The following ZNF804B variants were observed in gnomAD, a reference collection of about 807,000 sequenced individuals.
The protein encoded by ZNF804B is zinc finger 804B.
In ZNF804B, 80 loss-of-function variants were observed where a neutral mutation model predicts 101.4. The observed-to-expected ratio is 0.79, with a 90% confidence interval of 0.66 to 0.95. The LOEUF (loss-of-function observed/expected upper bound fraction) is 0.95. Ranked by LOEUF, ZNF804B falls within the 40% of genes least tolerant of loss-of-function variation. The pLI is 0.00. For missense variants in ZNF804B, 1,673 were observed against 1,561.9 expected, an observed-to-expected ratio of 1.07 and a Z score of -1.20; for synonymous variants, 622 against 558.8, an observed-to-expected ratio of 1.11 and a Z score of -1.59.
At chr7:88,943,590 G>A (rs183419665) in intron 1 of ZNF804B, among the ~76,000 whole-genome samples, 2 of 151,896 alleles carry the variant, frequency 1.3e-5, no homozygotes, top group African/African-American at 4.8e-5. Flanking sequence ...GCTTAGTTTA[G>A]TTTATTGAGA....
chr7:88,857,416 A>G (rs1791578556), intron 1 of ZNF804B, among the ~76,000 whole-genome samples: 1 of 152,190 alleles, frequency 6.6e-6, no homozygotes, highest in Non-Finnish European at 1.5e-5. Flanking sequence ...TGCAATAAAA[A>G]ATGATAAAGG....
chr7:89,050,533 A>G (rs1789183898), intron 1 of ZNF804B, among the ~76,000 whole-genome samples: 1 of 152,132 alleles, frequency 6.6e-6, no homozygotes, highest in Non-Finnish European at 1.5e-5. Context: ...ATGGTTAGTC[A>G]TTTTGTTAAT....
At chr7:88,968,813 A>G (rs1198177032) in intron 1 of ZNF804B, among the ~76,000 whole-genome samples, 1 of 151,678 alleles carries the variant, frequency 6.6e-6, no homozygotes, top group Non-Finnish European at 1.5e-5. Context: ...CAGGTAGTTC[A>G]CAATATACTG....
intron 1 of ZNF804B, among the ~76,000 whole-genome samples, chr7:89,062,464 C>T (rs528451198): frequency 1.3e-5 from 2 of 152,194 alleles, no homozygotes; most frequent in East Asian, 3.9e-4. Flanking sequence ...TCTTGGCAGT[C>T]TCTCCAAAAT....
intron 2 of ZNF804B, among the ~76,000 whole-genome samples, chr7:89,284,931 G>C (rs1290823473): frequency 6.6e-6 from 1 of 152,136 alleles, no homozygotes. Flanking sequence ...GGGCATGGCA[G>C]CTCATACCTG....
intron 1 of ZNF804B, among the ~76,000 whole-genome samples, chr7:88,838,858 T>G (rs1791255692): frequency 6.6e-6 from 1 of 152,040 alleles, no homozygotes; most frequent in Admixed American, 6.6e-5. Context: ...CAATAAATAC[T>G]AACTATACTT....
intron 1 of ZNF804B, among the ~76,000 whole-genome samples, chr7:89,183,858 A>T (rs943523621): frequency 1.3e-5 from 2 of 152,150 alleles, no homozygotes; most frequent in African/African-American, 2.4e-5. Flanking sequence ...GTCGGGAGGC[A>T]TGAGTCATTC....
At chr7:89,184,250 T>C (rs1196084411) in intron 1 of ZNF804B, among the ~76,000 whole-genome samples, 1 of 152,140 alleles carries the variant, frequency 6.6e-6, no homozygotes, top group African/African-American at 2.4e-5. Context: ...TCTGATCTGA[T>C]CTAATTTAAA....
intron 1 of ZNF804B, among the ~76,000 whole-genome samples, chr7:88,996,372 C>G (rs1314106116): frequency 6.6e-6 from 1 of 152,030 alleles, no homozygotes; most frequent in Admixed American, 6.6e-5. Context: ...AATTTCTACC[C>G]AACTACTCCA....
intron 1 of ZNF804B, among the ~76,000 whole-genome samples, chr7:89,215,890 A>AATAC (rs1788886780): frequency 1.7e-5 from 2 of 116,936 alleles, no homozygotes; most frequent in African/African-American, 6.2e-5. Context: ...TCTCTAAATA[A>AATAC]ATAAATAAAT....
chr7:89,167,352 A>G lies in ZNF804B; in HGVS notation c.109-50803A>G, dbSNP rs538261798. Among the ~76,000 whole-genome samples the G allele has an allele frequency of 2.0e-4, 30 of 151,870 alleles. No homozygotes were observed. In the South Asian group the frequency reaches 4.4e-3, roughly 22 times the overall value. On this transcript the variant is annotated intron_variant, in intron 1 of 3. Transcript: ENST00000333190. ...CAGCTACTTGGGAGGCTGAGGCAGG[A>G]GAATTGCTGGAACCCGGGAGGTGGA...
Position 89,335,916 on chromosome 7 carries a change from T to G in ZNF804B, c.2934T>G (p.Pro978=). The part of the protein sequence containing the change: ...APSGCNRQAL[P]LSEKIQYASE... ...CAGGCTGTAACAGACAAGCATTGCCTTTGTCTGAAAAAATACAGTATGCAA... is the reference window on the plus strand; with the variant it reads ...CAGGCTGTAACAGACAAGCATTGCCGTTGTCTGAAAAAATACAGTATGCAA... Residue 978 remains proline, a synonymous_variant, in exon 4 of 4, where the codon CCT becomes CCG. Transcript: ENST00000333190. 1 of 1,614,066 alleles carries G rather than the reference T, an allele frequency of 6.2e-7. No individual in the cohort carries two copies. Among genetic ancestry groups the G allele is most frequent in the Non-Finnish European group, 8.5e-7 (1 of 1,179,976 alleles).
At chr7:89,235,027 A>G (rs1789259124) in intron 2 of ZNF804B, among the ~76,000 whole-genome samples, 1 of 152,134 alleles carries the variant, frequency 6.6e-6, no homozygotes, top group African/African-American at 2.4e-5. Flanking sequence ...AACTCTCTCA[A>G]TGCAGTGCTT....
In ZNF804B at chr7:88,859,972, A is replaced by G. The variant is rs528077304; in HGVS notation, c.108+99888A>G. 2.0e-5 allele frequency among the ~76,000 whole-genome samples: 3 copies of G among 151,932 alleles called. No homozygotes were observed. In the East Asian group the frequency reaches 5.8e-4, roughly 29 times the overall value. On this transcript the variant is annotated intron_variant, in intron 1 of 3. Coordinates refer to ENST00000333190, the MANE Select transcript of ZNF804B (RefSeq NM_181646.5). ...AATTTCTCTATTGAGAAAAATCAAT[A>G]TTTTATAAATATTTTTAAATTATAG...
At chr7:89,131,899 C>T (rs904506520) in intron 1 of ZNF804B, among the ~76,000 whole-genome samples, 7 of 151,888 alleles carry the variant, frequency 4.6e-5, no homozygotes, top group African/African-American at 1.7e-4. Context: ...TAGGCTAAGA[C>T]CCCATTAAAA....
intron 1 of ZNF804B, among the ~76,000 whole-genome samples, chr7:88,791,734 T>G (rs899872287): frequency 6.6e-6 from 1 of 152,118 alleles, no homozygotes; most frequent in African/African-American, 2.4e-5. Flanking sequence ...GAATAATAAG[T>G]GATACAAAGA....
intron 1 of ZNF804B, among the ~76,000 whole-genome samples, chr7:89,150,652 T>C (rs1426759554): frequency 6.6e-6 from 1 of 152,146 alleles, no homozygotes; most frequent in African/African-American, 2.4e-5. Context: ...ATTTAAAAAT[T>C]ATATTTCCAT....
chr7:89,037,699 T>G (rs183441474), intron 1 of ZNF804B, among the ~76,000 whole-genome samples: 33 of 152,136 alleles, frequency 2.2e-4, no homozygotes, highest in Admixed American at 7.2e-4. Context: ...AAATTTCAAG[T>G]ATACAATACA....
chr7:89,011,717 C>T (rs1788464547), intron 1 of ZNF804B, among the ~76,000 whole-genome samples: 1 of 151,940 alleles, frequency 6.6e-6, no homozygotes, highest in Admixed American at 6.6e-5. Context: ...AATAAGTGGG[C>T]TCCTATGGCC....
Sources: gnomAD v4.1 joint callset for allele counts (sites outside exome capture counted in the v4.1 genomes callset) on GRCh38, gnomAD v4.1.1 for gene constraint, MANE v1.5 for transcripts, NCBI Gene and HGNC (gene_info 2026-07-23, HGNC 2026-07-21) for gene names.